ATRNL1: variants seen among roughly 807,000 people sequenced by gnomAD.
ATRNL1 encodes attractin-like protein 1.
A neutral mutation model predicts 182.7 loss-of-function variants in ATRNL1; 95 were observed. The observed-to-expected ratio is 0.52, with a 90% CI of 0.44 to 0.62. The LOEUF (loss-of-function observed/expected upper bound fraction) is 0.62. Ranked by LOEUF, ATRNL1 falls within the 20% of genes least tolerant of loss-of-function variation. ATRNL1 has a pLI of 0.00. For synonymous variants in ATRNL1, 576 were observed against 568.3 expected, an observed-to-expected ratio of 1.01 and a Z score of -0.19; for missense variants, 1,471 against 1,679.5, an observed-to-expected ratio of 0.88 and a Z score of 2.17.
chr10:115,152,831 A>G (rs11527957), intron 5 of ATRNL1, among the ~76,000 whole-genome samples: 51,556 of 151,530 alleles, frequency 0.34, 9,953 homozygotes, highest in Middle Eastern at 0.47. Context: ...TGCCCATTCA[A>G]TATCATATTG....
chr10:115,372,314 G>A (rs953055767), intron 19 of ATRNL1, among the ~76,000 whole-genome samples: 2 of 152,094 alleles, frequency 1.3e-5, no homozygotes, highest in Non-Finnish European at 2.9e-5. Flanking sequence ...AATTTCCTAA[G>A]CGTATCTTCA....
chr10:115,727,086 G>A (rs1487478366), intron 26 of ATRNL1, among the ~76,000 whole-genome samples, 162 bp from the exon 27 acceptor site: 1 of 152,058 alleles, frequency 6.6e-6, no homozygotes, highest in Non-Finnish European at 1.5e-5. Flanking sequence ...CCAAGGCCAC[G>A]GGGAGAAAGT....
At chr10:115,293,649 C>A (rs1309533173) in intron 15 of ATRNL1, among the ~76,000 whole-genome samples, 1 of 152,096 alleles carries the variant, frequency 6.6e-6, no homozygotes, top group Non-Finnish European at 1.5e-5. Flanking sequence ...TAAGGCTAGT[C>A]TATTGGTGAT....
At chr10:115,788,729 C>T (rs10490916) in intron 27 of ATRNL1, among the ~76,000 whole-genome samples, 71,868 of 152,100 alleles carry the variant, frequency 0.47, 18,330 homozygotes, top group East Asian at 0.75. Context: ...GAAACTTAAT[C>T]CATTTGGCAG....
intron 26 of ATRNL1, among the ~76,000 whole-genome samples, chr10:115,675,297 G>C (rs1555042604): frequency 6.6e-6 from 1 of 152,078 alleles, no homozygotes. Context: ...AGGAGTTTAA[G>C]GTTTCAGTGA....
intron 27 of ATRNL1, among the ~76,000 whole-genome samples, chr10:115,730,281 A>G (rs58645302): frequency 0.027 from 3,578 of 134,102 alleles, 151 homozygotes; most frequent in African/African-American, 0.098. Context: ...AAAAAAAAAA[A>G]AGAGAGAGAG....
intron 26 of ATRNL1, among the ~76,000 whole-genome samples, chr10:115,641,314 C>T (rs1859232108): frequency 2.0e-5 from 3 of 152,276 alleles, no homozygotes; most frequent in South Asian, 4.1e-4. Context: ...ATTGATGCTT[C>T]TCTATACTCT....
chr10:115,306,717 T>C (rs1554926285), intron 17 of ATRNL1, among the ~76,000 whole-genome samples: 1 of 152,102 alleles, frequency 6.6e-6, no homozygotes, highest in Non-Finnish European at 1.5e-5. Context: ...TATATCTTAA[T>C]ATTTCTTAAC....
chr10:115,944,972 A>C lies in ATRNL1; in HGVS notation c.*193A>C. On this transcript the variant is annotated 3_prime_UTR_variant, in exon 29 of 29. Transcript: ENST00000355044. ...GTTTTATAAAAGTATTGATGGTCACAGGTGATAAAGTCAGTTTTTACCACT... is the reference window on the plus strand; with the variant it reads ...GTTTTATAAAAGTATTGATGGTCACCGGTGATAAAGTCAGTTTTTACCACT... 1 of 493,546 alleles carries C rather than the reference A, an allele frequency of 2.0e-6. No individual in the cohort carries two copies. Among genetic ancestry groups the C allele is most frequent in the African/African-American group, 2.0e-5 (1 of 50,768 alleles). 30.6% of individuals were successfully genotyped at this position (493,546 alleles called of 1,614,324 possible). A position where few individuals can be genotyped will look rare whatever the true frequency, so the allele number is the denominator to read the frequency against.
chr10:115,213,880 C>A (rs1849123702), intron 8 of ATRNL1, among the ~76,000 whole-genome samples: 1 of 151,762 alleles, frequency 6.6e-6, no homozygotes, highest in Non-Finnish European at 1.5e-5. Context: ...CAAATTGAAA[C>A]CCAAATGAGT....
chr10:115,674,098 G>T lies in ATRNL1; in HGVS notation c.3796-53150G>T, dbSNP rs559177193. On this transcript the variant is annotated intron_variant, in intron 26 of 28. Transcript: ENST00000355044. ...CAAAGGAGAAAGCAAAGAGATCTTT[G>T]ATGACCAGAAGAAATATATTGCCAC... is the stretch of plus-strand genomic sequence containing the variant. 4.2e-4 allele frequency among the ~76,000 whole-genome samples: 64 copies of T among 152,166 alleles called. No homozygotes were observed. In the South Asian group the frequency reaches 0.013, roughly 32 times the overall value.
chr10:115,662,666 C>A (rs1555038396), intron 26 of ATRNL1, among the ~76,000 whole-genome samples: 2 of 152,028 alleles, frequency 1.3e-5, no homozygotes, highest in African/African-American at 4.8e-5. Context: ...TGATATCCCT[C>A]ATAATAGAAT....
At chr10:115,633,760 A>G (rs1187589429) in intron 26 of ATRNL1, among the ~76,000 whole-genome samples, 4 of 152,298 alleles carry the variant, frequency 2.6e-5, no homozygotes, top group Admixed American at 1.3e-4. Context: ...TTAGCTATCT[A>G]CCAAGTCCTT....
intron 28 of ATRNL1, among the ~76,000 whole-genome samples, chr10:115,940,327 G>C (rs1229211681): frequency 6.6e-6 from 1 of 152,324 alleles, no homozygotes; most frequent in Non-Finnish European, 1.5e-5. Context: ...GGGGCCAGTC[G>C]TGACAGGGAT....
chr10:115,367,875 G>A (rs1223339851), intron 19 of ATRNL1, among the ~76,000 whole-genome samples: 12 of 147,464 alleles, frequency 8.1e-5, no homozygotes, highest in East Asian at 6.0e-4. Context: ...CAGTCTGCCC[G>A]TTCTCAGATC....
intron 18 of ATRNL1, among the ~76,000 whole-genome samples, chr10:115,324,512 T>C (rs782304234): frequency 2.0e-5 from 3 of 152,200 alleles, no homozygotes. Context: ...TGGGGCTTTT[T>C]CTGTTTTCAG....
chr10:115,748,695 C>T (rs1232063949), intron 27 of ATRNL1, among the ~76,000 whole-genome samples: 4 of 151,890 alleles, frequency 2.6e-5, no homozygotes, highest in Non-Finnish European at 5.9e-5. Context: ...GTCTTTGCTA[C>T]AATATGTTGT....
At position 115,495,443 on chromosome 10, in the gene ATRNL1, A is replaced by T. The variant is rs371839317; in HGVS notation, c.3655-23820A>T. On this transcript the variant is annotated intron_variant, in intron 24 of 28. Coordinates refer to ENST00000355044, the MANE Select transcript of ATRNL1 (RefSeq NM_207303.4). ...AATTTGAGATCATTCTAACTTTTTG[A>T]TGTGGACGTTTAGCACTAAAAACTT... Among the ~76,000 whole-genome samples the T allele has an allele frequency of 2.6e-4, 39 of 152,012 alleles. 1 individual carries two copies. The South Asian group carries it at 7.9e-3, about 31-fold the overall frequency.
intron 27 of ATRNL1, among the ~76,000 whole-genome samples, chr10:115,837,454 A>G (rs1950701062): frequency 1.4e-5 from 2 of 142,314 alleles, no homozygotes; most frequent in South Asian, 2.3e-4. Context: ...GTAAGCAAAG[A>G]GGCTTCCCAA....
Sources: allele counts gnomAD v4.1 joint callset (sites outside exome capture counted in the v4.1 genomes callset), GRCh38; gene constraint gnomAD v4.1.1; transcripts MANE v1.5; gene names NCBI Gene and HGNC (gene_info 2026-07-23, HGNC 2026-07-21).